NEK11: variants seen among roughly 807,000 people sequenced by gnomAD.
The protein encoded by NEK11 is serine/threonine-protein kinase Nek11.
A neutral mutation model predicts 80.7 loss-of-function variants in NEK11; 72 were observed. The ratio of observed to expected loss-of-function variants is 0.89; its 90% CI spans 0.74 to 1.08. The LOEUF (loss-of-function observed/expected upper bound fraction) is 1.08. Among genes scored for constraint, NEK11 ranks in the 50% least tolerant of loss-of-function variants. The pLI, the probability that NEK11 is intolerant of heterozygous loss-of-function variation, is 0.00. For missense variants in NEK11, 764 were observed against 763.6 expected, an observed-to-expected ratio of 1.00 and a Z score of -0.01; for synonymous variants, 251 against 260.7, an observed-to-expected ratio of 0.96 and a Z score of 0.36.
chr3:131,124,532 GGAGGGCT>G (rs1391986389), intron 5 of NEK11, among the ~76,000 whole-genome samples: 2 of 152,024 alleles, frequency 1.3e-5, no homozygotes, highest in African/African-American at 4.8e-5. Context: ...ACAGGTCTGA[GGAGGGCT>G]GAGCCTCCCC....
At chr3:131,341,839 G>T (rs1289582690) in intron 17 of NEK11, among the ~76,000 whole-genome samples, 2 of 151,998 alleles carry the variant, frequency 1.3e-5, no homozygotes, top group Non-Finnish European at 2.9e-5. Flanking sequence ...TTGCCTGGTA[G>T]CTTTGTCAAA....
intron 11 of NEK11, among the ~76,000 whole-genome samples, chr3:131,163,715 C>G (rs1179790551): frequency 1.3e-5 from 2 of 152,030 alleles, no homozygotes; most frequent in Admixed American, 1.3e-4. Flanking sequence ...AAATTGCTAA[C>G]AGAGTAGAGC....
intron 7 of NEK11, among the ~76,000 whole-genome samples, chr3:131,151,385 T>C (rs2089607936): frequency 6.6e-6 from 1 of 152,078 alleles, no homozygotes. Flanking sequence ...AACAGAAATA[T>C]TCTCAGTGTA....
chr3:131,072,858 T>C (rs1377070277), intron 3 of NEK11, among the ~76,000 whole-genome samples: 2 of 152,182 alleles, frequency 1.3e-5, no homozygotes, highest in Non-Finnish European at 2.9e-5. Flanking sequence ...GGCTGTCATG[T>C]TGTGAGGGCA....
At chr3:131,207,514 C>T (rs891265025) in intron 14 of NEK11, among the ~76,000 whole-genome samples, 6 of 152,048 alleles carry the variant, frequency 3.9e-5, no homozygotes, top group Non-Finnish European at 8.8e-5. Flanking sequence ...ACCCAGGAGG[C>T]TGAGCTTGCA....
chr3:131,197,359 G>A (rs1479301387), intron 14 of NEK11, among the ~76,000 whole-genome samples: 1 of 152,158 alleles, frequency 6.6e-6, no homozygotes. Flanking sequence ...GGGCTAGCAG[G>A]CCGGTCCAGG....
In NEK11 at chr3:131,308,373, G is replaced by A. The variant is rs528305260; in HGVS notation, c.1718+34799G>A. The stretch of plus-strand genomic sequence containing the variant: ...AGTTCTTAACTCAGAATTGTCTAAA[G>A]CAGCTCAAGGATTTGTTGTGTGTAA... On this transcript the variant is annotated intron_variant, in intron 17 of 17. Coordinates refer to ENST00000383366, the MANE Select transcript of NEK11 (RefSeq NM_024800.5). Among the ~76,000 whole-genome samples the A allele has an allele frequency of 2.0e-5, 3 of 152,288 alleles. No individual in the cohort carries two copies. In the East Asian group the frequency reaches 5.8e-4, roughly 29 times the overall value.
chr3:131,041,798 G>A, intron 3 of NEK11, among the ~76,000 whole-genome samples: 1 of 152,154 alleles, frequency 6.6e-6, no homozygotes, highest in East Asian at 1.9e-4. Context: ...AAATTCAAAA[G>A]GCGATTCCAG....
intron 4 of NEK11, chr3:131,088,277 A>T (rs1404376842): frequency 6.6e-6 from 1 of 152,200 alleles, no homozygotes; most frequent in East Asian, 1.9e-4. Context: ...GATTTTTATA[A>T]GTATCAAAAT....
chr3:131,170,628 C>T (rs925160229), intron 13 of NEK11, 145 bp from the exon 14 acceptor site: 1 of 607,880 alleles, frequency 1.6e-6, no homozygotes. Context: ...TCCCACCTTA[C>T]CTCCTGAAGT....
chr3:131,297,181 A>G (rs2096603770), intron 17 of NEK11, among the ~76,000 whole-genome samples: 1 of 151,910 alleles, frequency 6.6e-6, no homozygotes, highest in South Asian at 2.1e-4. Context: ...ATACCCAGTA[A>G]TGGGATGGCT....
At chr3:131,114,239 CTT>C (rs1251439241) in intron 5 of NEK11, among the ~76,000 whole-genome samples, 1 of 152,046 alleles carries the variant, frequency 6.6e-6, no homozygotes, top group African/African-American at 2.4e-5. Flanking sequence ...GACTTTAAAA[CTT>C]TTTAAATCCA....
At position 131,152,668 on chromosome 3, in the gene NEK11, A is replaced by T. The variant is rs1031149457; in HGVS notation, c.835A>T (p.Ile279Phe). ...GAATCCTTCATTAAGACCATCTGCT[A>T]TCGAAATTTTAAAAATCCCTTACCT... ...NKNPSLRPSA[I>F]EILKIPYLDE... The change falls in exon 9 of 18, where the codon ATC becomes TTC. Residue 279 changes from isoleucine to phenylalanine, a missense_variant. Transcript: ENST00000383366. 6.2e-7 allele frequency: 1 copy of T among 1,613,680 alleles called. No individual in the cohort carries two copies. The highest frequency in any genetic ancestry group is 1.3e-5 in the African/African-American group (1 of 74,932).
intron 15 of NEK11, among the ~76,000 whole-genome samples, chr3:131,236,863 A>G (rs1397189012): frequency 1.3e-5 from 2 of 152,236 alleles, no homozygotes; most frequent in Non-Finnish European, 2.9e-5. Context: ...ATGAATGCAT[A>G]TAAGCAAGGG....
chr3:131,159,286 A>C (rs1251356715), intron 10 of NEK11, among the ~76,000 whole-genome samples: 1 of 152,224 alleles, frequency 6.6e-6, no homozygotes, highest in Non-Finnish European at 1.5e-5. Flanking sequence ...AGACAGACTG[A>C]GAAGGCTGAA....
intron 15 of NEK11, among the ~76,000 whole-genome samples, chr3:131,230,079 C>T (rs2095300321): frequency 6.6e-6 from 1 of 152,014 alleles, no homozygotes; most frequent in South Asian, 2.1e-4. Flanking sequence ...CCTATGGTTG[C>T]AAAACACATG....
intron 5 of NEK11, among the ~76,000 whole-genome samples, chr3:131,128,924 T>G (rs2083862109): frequency 6.6e-6 from 1 of 152,228 alleles, no homozygotes; most frequent in African/African-American, 2.4e-5. Flanking sequence ...AAACATCTTT[T>G]CAGGTTTATT....
chr3:131,153,593 A>G (rs2090092207), intron 9 of NEK11, among the ~76,000 whole-genome samples: 2 of 152,162 alleles, frequency 1.3e-5, no homozygotes, highest in Admixed American at 6.5e-5. Flanking sequence ...AAGAGGAACC[A>G]CAAAATGGTC....
At chr3:131,337,020 C>G (rs1043995431) in intron 17 of NEK11, among the ~76,000 whole-genome samples, 2 of 152,226 alleles carry the variant, frequency 1.3e-5, no homozygotes, top group East Asian at 3.9e-4. Context: ...GTTGGTGGGA[C>G]TGTAAACTAG....
Sources: gnomAD v4.1 joint callset for allele counts (sites outside exome capture counted in the v4.1 genomes callset) on GRCh38, gnomAD v4.1.1 for gene constraint, MANE v1.5 for transcripts, NCBI Gene and HGNC (gene_info 2026-07-23, HGNC 2026-07-21) for gene names.